Variants in STK3 observed in about 807,000 individuals in gnomAD.
STK3 encodes the protein serine/threonine kinase 3.
Under a neutral mutation model 58.0 loss-of-function variants are expected in STK3, and 41 were observed. That is an observed-to-expected ratio of 0.71 (90% CI 0.55 to 0.92). The LOEUF (loss-of-function observed/expected upper bound fraction) is 0.92, where lower values mean the gene tolerates loss of function less well. Ranked by LOEUF, STK3 falls within the 40% of genes least tolerant of loss-of-function variation. STK3 has a pLI of 0.00. For synonymous variants in STK3, 170 were observed against 191.0 expected, an observed-to-expected ratio of 0.89 and a Z score of 0.91; for missense variants, 479 against 602.7, an observed-to-expected ratio of 0.79 and a Z score of 2.15.
chr8:98,623,667 C>T (rs924057831), intron 6 of STK3, among the ~76,000 whole-genome samples: 4 of 152,118 alleles, frequency 2.6e-5, no homozygotes, highest in African/African-American at 9.7e-5. Context: ...ACCTGTAGTC[C>T]CAGCTACTCA....
chr8:98,370,342 A>AGTGTGTGTGT (rs35062643), downstream of STK3, among the ~76,000 whole-genome samples: 557 of 138,612 alleles, frequency 4.0e-3, 1 homozygote, highest in Middle Eastern at 0.031. Flanking sequence ...TGACCTCTGC[A>AGTGTGTGTGT]GTGTGTGTGT....
intron 9 of STK3, among the ~76,000 whole-genome samples, chr8:98,537,006 T>G (rs1225198904): frequency 6.6e-6 from 1 of 152,180 alleles, no homozygotes; most frequent in East Asian, 1.9e-4. Context: ...GCTTCCATAC[T>G]CAAAAATTTT....
chr8:98,897,487 C>T (rs1034713189), intron 1 of STK3, among the ~76,000 whole-genome samples: 4 of 151,538 alleles, frequency 2.6e-5, no homozygotes, highest in Non-Finnish European at 5.9e-5. Flanking sequence ...GGCGTGAACT[C>T]GGGAGGCTGA....
intron 10 of STK3, among the ~76,000 whole-genome samples, chr8:98,466,902 G>A (rs998486194): frequency 6.6e-6 from 1 of 152,096 alleles, no homozygotes; most frequent in Non-Finnish European, 1.5e-5. Flanking sequence ...ACTCTCCAGG[G>A]ACTAGTGGGA....
chr8:98,354,917 G>A, the STK3 span, among the ~76,000 whole-genome samples: 85,985 of 151,972 alleles, frequency 0.57, 24,452 homozygotes, highest in Admixed American at 0.63. Flanking sequence ...AGCTGGGATT[G>A]CAGTCGCCTG....
chr8:98,511,540 G>T (rs1178592034), intron 10 of STK3, among the ~76,000 whole-genome samples: 1 of 152,070 alleles, frequency 6.6e-6, no homozygotes, highest in African/African-American at 2.4e-5. Context: ...ATATGAAATG[G>T]AGTATGAACT....
At chr8:98,497,247 T>C (rs1586707252) in intron 10 of STK3, among the ~76,000 whole-genome samples, 1 of 152,090 alleles carries the variant, frequency 6.6e-6, no homozygotes, top group Non-Finnish European at 1.5e-5. Context: ...AATATTGACA[T>C]GCAACAGAAC....
At chr8:98,813,251 T>G (rs1001158331) in intron 1 of STK3, among the ~76,000 whole-genome samples, 2 of 152,230 alleles carry the variant, frequency 1.3e-5, no homozygotes, top group Admixed American at 1.3e-4. Context: ...CCACTGCATT[T>G]CAGTAAATGG....
chr8:98,348,708 C>T, the STK3 span, among the ~76,000 whole-genome samples: 3 of 152,310 alleles, frequency 2.0e-5, no homozygotes, highest in South Asian at 4.1e-4. Context: ...GTTAAAACAG[C>T]AATGAGACAT....
chr8:98,546,844 T>C (rs1331904731), intron 9 of STK3, among the ~76,000 whole-genome samples: 3 of 152,134 alleles, frequency 2.0e-5, no homozygotes, highest in African/African-American at 7.2e-5. Context: ...TAGCAATCTA[T>C]TACATTTTGT....
intron 4 of STK3, chr8:98,720,937 T>A: frequency 4.3e-6 from 1 of 231,046 alleles, no homozygotes; most frequent in Non-Finnish European, 7.1e-6. Flanking sequence ...AAATAGGCAG[T>A]AAAAAAAAAT....
chr8:98,414,448 A>G (rs1818091437), intron 3 of STK3, among the ~76,000 whole-genome samples: 1 of 152,130 alleles, frequency 6.6e-6, no homozygotes, highest in South Asian at 2.1e-4. Context: ...GGTCATGATT[A>G]TTATTTTAAT....
chr8:98,354,334 C>T, the STK3 span, among the ~76,000 whole-genome samples: 1 of 152,118 alleles, frequency 6.6e-6, no homozygotes, highest in African/African-American at 2.4e-5. Flanking sequence ...AAGCTCTGGC[C>T]AATGAGACTT....
chr8:98,915,662 T>C (rs1839321842), intron 1 of STK3, among the ~76,000 whole-genome samples: 1 of 151,882 alleles, frequency 6.6e-6, no homozygotes, highest in East Asian at 1.9e-4. Context: ...TGTGTGTGTG[T>C]GTTTGTGTGT....
intron 10 of STK3, among the ~76,000 whole-genome samples, chr8:98,472,152 T>A (rs1820970766): frequency 6.6e-6 from 1 of 152,122 alleles, no homozygotes; most frequent in Non-Finnish European, 1.5e-5. Flanking sequence ...ATTTAGCTAA[T>A]AAAAAAATGT....
chr8:98,894,407 G>A (rs572115498), intron 1 of STK3, among the ~76,000 whole-genome samples: 1 of 152,174 alleles, frequency 6.6e-6, no homozygotes, highest in South Asian at 2.1e-4. Context: ...TAATCTCCTA[G>A]TCACATGTCA....
At chr8:98,927,292 C>G (rs1044684046) in intron 1 of STK3, among the ~76,000 whole-genome samples, 1 of 152,188 alleles carries the variant, frequency 6.6e-6, no homozygotes, top group Non-Finnish European at 1.5e-5. Context: ...TTTGTCTGCT[C>G]AACAGTCCTT....
chr8:98,415,625 C>T (rs942089304), intron 3 of STK3, among the ~76,000 whole-genome samples: 3 of 152,224 alleles, frequency 2.0e-5, no homozygotes, highest in African/African-American at 4.8e-5. Flanking sequence ...TTCTGAGAGG[C>T]TGCCATTATC....
intron 10 of STK3, among the ~76,000 whole-genome samples, chr8:98,487,054 G>A (rs1215327989): frequency 1.3e-5 from 2 of 152,104 alleles, no homozygotes; most frequent in African/African-American, 4.8e-5. Context: ...CATGAATCAA[G>A]TAATTTTATC....
Sources: allele counts gnomAD v4.1 joint callset (sites outside exome capture counted in the v4.1 genomes callset), GRCh38; gene constraint gnomAD v4.1.1; transcripts MANE v1.5; gene names NCBI Gene and HGNC (gene_info 2026-07-23, HGNC 2026-07-21).